C5orf63: variants seen among roughly 807,000 people sequenced by gnomAD.
The protein encoded by C5orf63 is chromosome 5 open reading frame 63.
C5orf63 carries 18 observed loss-of-function variants against 13.3 expected under a neutral mutation model. The observed-to-expected ratio is 1.36, with a 90% CI of 0.94 to 2.01. The LOEUF (loss-of-function observed/expected upper bound fraction) is 2.01, where lower values mean the gene tolerates loss of function less well. Ranked by LOEUF, C5orf63 falls within the 30% of genes most tolerant of loss-of-function variation. The probability of loss-of-function intolerance (pLI) is 0.00; values close to 1 mark genes in which losing one functional copy is unlikely to be tolerated. For missense variants in C5orf63, 118 were observed against 127.7 expected (o/e 0.92, Z 0.36); for synonymous variants, 38 against 44.7 (o/e 0.85, Z 0.60).
downstream of C5orf63, chr5:127,047,846 G>T (rs1042580301): frequency 5.7e-6 from 4 of 703,696 alleles, no homozygotes; most frequent in East Asian, 2.7e-5. Flanking sequence ...GAAGCCATGT[G>T]GGGGTGGGAA....
chr5:127,065,038 A>G (rs1254003467), intron 2 of C5orf63, among the ~76,000 whole-genome samples: 1 of 152,156 alleles, frequency 6.6e-6, no homozygotes, highest in African/African-American at 2.4e-5. Flanking sequence ...TCACCTCTAA[A>G]TAAAGCTCTC....
intron 2 of C5orf63, among the ~76,000 whole-genome samples, chr5:127,065,549 G>C (rs1379125950): frequency 1.3e-5 from 2 of 152,198 alleles, no homozygotes; most frequent in East Asian, 3.9e-4. Context: ...GGGAAACCTT[G>C]AACGGGGTAA....
At chr5:127,044,949 C>T (rs1753489632), downstream of C5orf63, 3 of 152,098 alleles carry the variant, frequency 2.0e-5, no homozygotes, top group South Asian at 6.2e-4. Context: ...CCAACACTGC[C>T]TGCCATTTTT....
chr5:127,054,691 G>C (rs1405138565), intron 3 of C5orf63, among the ~76,000 whole-genome samples: 1 of 152,162 alleles, frequency 6.6e-6, no homozygotes, highest in East Asian at 1.9e-4. Flanking sequence ...TAGGTTGTCT[G>C]TTCACTCTGA....
chr5:127,066,693 C>A (rs977648166), intron 2 of C5orf63, among the ~76,000 whole-genome samples: 1 of 151,796 alleles, frequency 6.6e-6, no homozygotes, highest in African/African-American at 2.4e-5. Flanking sequence ...AAATCCGGGT[C>A]TAAAGATAAA....
At chr5:127,052,365 C>A in intron 4 of C5orf63, 1 of 374,566 alleles carries the variant, frequency 2.7e-6, no homozygotes, top group South Asian at 1.3e-4. Flanking sequence ...AACATGAATG[C>A]TGCACCTGCT....
chr5:127,071,408 C>T (rs573812185), intron 2 of C5orf63, among the ~76,000 whole-genome samples, 176 bp downstream of exon 2: 20 of 152,124 alleles, frequency 1.3e-4, no homozygotes, highest in Admixed American at 1.1e-3. Context: ...TCCTGTTCTC[C>T]GTGGCTGTAC....
At chr5:127,051,210 T>C (rs1753660583), downstream of C5orf63, 1 of 817,568 alleles carries the variant, frequency 1.2e-6, no homozygotes, top group Non-Finnish European at 1.6e-6. Flanking sequence ...GATGCCTCTT[T>C]GGCTAGGATA....
At chr5:127,072,160 T>C (rs1156744415) in intron 1 of C5orf63, 2 of 152,182 alleles carry the variant, frequency 1.3e-5, no homozygotes, top group African/African-American at 4.8e-5. Flanking sequence ...GCCCCACCAA[T>C]CTTAATTTTC....
At chr5:127,059,275 A>G (rs746029687) in intron 2 of C5orf63, among the ~76,000 whole-genome samples, 1 of 152,192 alleles carries the variant, frequency 6.6e-6, no homozygotes, top group Non-Finnish European at 1.5e-5. Context: ...AGTAAACTGC[A>G]TGGGTTTGTT....
At position 127,051,512 on chromosome 5, in the gene C5orf63, C is replaced by G; in HGVS notation, c.*259G>C. 8.1e-7 allele frequency: 1 copy of G among 1,238,242 alleles called. No homozygotes were observed. The highest frequency in any genetic ancestry group is 1.0e-6 in the Non-Finnish European group (1 of 991,746). The allele number at this position is 1,238,242 out of a possible 1,614,324, so 76.7% of individuals were successfully genotyped here. On this transcript the variant is annotated 3_prime_UTR_variant, in exon 5 of 5. Coordinates refer to ENST00000296662, the MANE Select transcript of C5orf63 (RefSeq NM_001164478.2). The stretch of plus-strand genomic sequence containing the variant: ...ATTAATACAAAAAGGATAAATAAGA[C>G]AAATGGACTTCTCCCTCCCTCCATC...
chr5:127,054,665 A>T (rs930325733), intron 3 of C5orf63, among the ~76,000 whole-genome samples: 2 of 151,986 alleles, frequency 1.3e-5, no homozygotes, highest in Non-Finnish European at 2.9e-5. Flanking sequence ...GATTGCAAAA[A>T]TTTTCTCCAA....
rs142482205 is a variant in C5orf63, at chr5:127,056,147, G to T, written c.114+2735C>A. On this transcript the variant is annotated intron_variant, in intron 3 of 4. Transcript: ENST00000296662. ...TCAGCATGTGGCTGACTCCATCCCAGAAAAACAAAGGTGAGAAACCTGACT... is the reference window on the plus strand; with the variant it reads ...TCAGCATGTGGCTGACTCCATCCCATAAAAACAAAGGTGAGAAACCTGACT... Among the ~76,000 whole-genome samples the T allele has an allele frequency of 9.2e-5, 14 of 152,274 alleles. No homozygotes were observed. In the East Asian group the frequency reaches 2.7e-3, roughly 29 times the overall value.
At chr5:127,067,701 G>GT (rs1754381415) in intron 2 of C5orf63, among the ~76,000 whole-genome samples, 1 of 151,972 alleles carries the variant, frequency 6.6e-6, no homozygotes, top group Non-Finnish European at 1.5e-5. Context: ...CCCAATATTT[G>GT]TTTTTATTTC....
intron 1 of C5orf63, chr5:127,073,005 C>T (rs1381771300): frequency 2.0e-5 from 3 of 152,176 alleles, no homozygotes; most frequent in African/African-American, 7.2e-5. Context: ...CCTTTTCACC[C>T]CAATTAAAGG....
intron 1 of C5orf63, 92 bp downstream of exon 1, chr5:127,073,359 C>A (rs1754630101): frequency 6.6e-6 from 1 of 152,318 alleles, no homozygotes; most frequent in South Asian, 2.1e-4. Context: ...ATGGGCAGCA[C>A]GCGGCACAGC....
chr5:127,061,380 G>A (rs1754099970), intron 2 of C5orf63, among the ~76,000 whole-genome samples: 1 of 152,116 alleles, frequency 6.6e-6, no homozygotes, highest in Non-Finnish European at 1.5e-5. Flanking sequence ...CAAAAAGACT[G>A]GATACTGATC....
chr5:127,070,347 A>G (rs538406394), intron 2 of C5orf63, among the ~76,000 whole-genome samples: 1 of 152,224 alleles, frequency 6.6e-6, no homozygotes. Context: ...TTCCCTCCTG[A>G]CTAAAAATCA....
chr5:127,047,294 T>C (rs1478218888), downstream of C5orf63: 2 of 158,242 alleles, frequency 1.3e-5, no homozygotes, highest in African/African-American at 4.8e-5. Context: ...TAAAAACAAA[T>C]TGATCTTTGC....
Sources: allele counts gnomAD v4.1 joint callset (sites outside exome capture counted in the v4.1 genomes callset), GRCh38; gene constraint gnomAD v4.1.1; transcripts MANE v1.5; gene names NCBI Gene and HGNC (gene_info 2026-07-23, HGNC 2026-07-21).